The following SH3GLB2 variants were observed in gnomAD, a reference collection of about 807,000 sequenced individuals.
SH3GLB2 encodes the protein SH3 domain containing GRB2 like, endophilin B2.
A neutral mutation model predicts 48.0 loss-of-function variants in SH3GLB2; 24 were observed. That is an observed-to-expected ratio of 0.50 (90% CI 0.36 to 0.70). SH3GLB2 has a LOEUF of 0.70. Ranked by LOEUF, SH3GLB2 falls within the 30% of genes least tolerant of loss-of-function variation. The pLI is 0.00. For synonymous variants in SH3GLB2, 227 were observed against 207.6 expected (o/e 1.09, Z -0.80); for missense variants, 425 against 516.0 (o/e 0.82, Z 1.71).
At chr9:129,022,454 AG>A in intron 1 of SH3GLB2, 31 bp from the exon 2 acceptor site, 2 of 803,814 alleles carry the variant, frequency 2.5e-6, no homozygotes, top group Non-Finnish European at 1.8e-6. Context: ...AGGGGTGGGG[AG>A]GGGGAGAGCT....
chr9:129,028,059 GC>G, intron 1 of SH3GLB2, 32 bp downstream of exon 1: 12 of 1,493,580 alleles, frequency 8.0e-6, no homozygotes, highest in East Asian at 5.7e-5. Flanking sequence ...GCACATCCGG[GC>G]CCCCGGCGCA....
At chr9:129,016,140 C>T (rs1201748146) in intron 3 of SH3GLB2, among the ~76,000 whole-genome samples, 1 of 151,486 alleles carries the variant, frequency 6.6e-6, no homozygotes, top group Non-Finnish European at 1.5e-5. Flanking sequence ...GTCAGGAGTT[C>T]GAGACCAACC....
rs547612052 is a variant in SH3GLB2, at chr9:129,009,460, C to T, written c.840-114G>A. 1.0e-5 allele frequency: 16 copies of T among 1,549,690 alleles called. No individual in the cohort carries two copies. The East Asian group carries it at 3.7e-4, about 35-fold the overall frequency. ...CCAGCCCCGGCTACTCACATGGCAC[C>T]CTGGGAGCTGGCAGCACAAAGGGAA... On this transcript the variant is annotated intron_variant, in intron 9 of 10. Transcript: ENST00000372564.
rs1843322249 is a variant in SH3GLB2, at chr9:129,014,702, T to C, written c.468+69A>G. On this transcript the variant is annotated intron_variant, in intron 4 of 10. Coordinates refer to ENST00000372564, the MANE Select transcript of SH3GLB2 (RefSeq NM_020145.4). The surrounding 1 kb of genome is among the most constrained non-coding windows in gnomAD (Gnocchi z 4.1). Reference sequence around the variant, plus strand: ...GTAGCCCCAGCACTGGAAGAGAGCCTGTACTCAAAGGCTCTGAGGAGGGAA... The same window carrying C: ...GTAGCCCCAGCACTGGAAGAGAGCCCGTACTCAAAGGCTCTGAGGAGGGAA... 3 of 1,571,802 alleles carry C rather than the reference T, an allele frequency of 1.9e-6. No individual in the cohort carries two copies. Among genetic ancestry groups the C allele is most frequent in the Non-Finnish European group, 2.6e-6 (3 of 1,158,944 alleles).
intron 9 of SH3GLB2, 125 bp from the exon 10 acceptor site, chr9:129,009,471 G>C (rs560817735): frequency 6.5e-7 from 1 of 1,549,314 alleles, no homozygotes; most frequent in Non-Finnish European, 8.7e-7. Context: ...CTGGGAGCTG[G>C]CAGCACAAAG....
chr9:129,021,894 G>T (rs1843825004), intron 2 of SH3GLB2, among the ~76,000 whole-genome samples: 1 of 151,214 alleles, frequency 6.6e-6, no homozygotes, highest in Admixed American at 6.6e-5. Context: ...AGGAGGCAAG[G>T]GTTGCAGTGA....
At chr9:129,025,660 C>T (rs918808877) in intron 1 of SH3GLB2, among the ~76,000 whole-genome samples, 1 of 101,904 alleles carries the variant, frequency 9.8e-6, no homozygotes, top group African/African-American at 3.9e-5. Context: ...GCAGGCCTCC[C>T]TCACATCCCT....
intron 9 of SH3GLB2, 93 bp from the exon 10 acceptor site, chr9:129,009,439 C>G: frequency 6.5e-7 from 1 of 1,550,040 alleles, no homozygotes; most frequent in Non-Finnish European, 8.7e-7. Context: ...CCCACTCCAG[C>G]CCCGGCTACT....
Position 129,014,118 on chromosome 9 carries a change from C to G in SH3GLB2, c.561+293G>C. On this transcript the variant is annotated intron_variant, in intron 5 of 10. Transcript: ENST00000372564. This position sits in a 1 kb window ranked among gnomAD's most constrained non-coding sequence, Gnocchi z 4.1. ...GGACAGAGCCGAGCATCTAGGAGGG[C>G]AGGGCAGGGCATGCAGGAGACTCCA... 2 of 619,096 alleles carry G rather than the reference C, an allele frequency of 3.2e-6. No homozygotes were observed. The allele number at this position is 619,096 out of a possible 1,614,324, so 38.4% of individuals were successfully genotyped here. A position where few individuals can be genotyped will look rare whatever the true frequency, so the allele number is the denominator to read the frequency against.
intron 3 of SH3GLB2, among the ~76,000 whole-genome samples, chr9:129,017,626 T>G (rs1843509535): frequency 1.3e-5 from 2 of 151,254 alleles, no homozygotes; most frequent in South Asian, 2.1e-4. Flanking sequence ...ATACGCCGGG[T>G]GTGATGGCTC....
At chr9:129,023,298 C>T (rs1424962727) in intron 1 of SH3GLB2, among the ~76,000 whole-genome samples, 1 of 152,090 alleles carries the variant, frequency 6.6e-6, no homozygotes, top group Non-Finnish European at 1.5e-5. Flanking sequence ...GCATGGGTCC[C>T]CATCAAAGCT....
Position 129,014,495 on chromosome 9 carries a change from C to T in SH3GLB2, c.477G>A (p.Arg159=). The change falls in exon 5 of 11, where the codon AGG becomes AGA. Residue 159 remains arginine, a synonymous_variant. Coordinates refer to ENST00000372564, the MANE Select transcript of SH3GLB2 (RefSeq NM_020145.4). The surrounding 1 kb of genome is among the most constrained non-coding windows in gnomAD (Gnocchi z 4.1). Reference sequence around the variant, plus strand: ...CCAGACGCCGGTTTTGGAGGAGCCGCCTCTCCTTCTACAGGGCAGGGCATG... The same window carrying T: ...CCAGACGCCGGTTTTGGAGGAGCCGTCTCTCCTTCTACAGGGCAGGGCATG... The part of the protein sequence containing the change: ...EGDWKTISKE[R]RLLQNRRLDL... 2 of 1,551,668 alleles carry T rather than the reference C, an allele frequency of 1.3e-6. No homozygotes were observed. The highest frequency in any genetic ancestry group is 1.2e-5 in the South Asian group (1 of 84,090).
In SH3GLB2 at chr9:129,007,823, TC is replaced by T. The variant is rs1307811128; in HGVS notation, c.*860del. 1 of 152,208 alleles carries T rather than the reference TC, an allele frequency of 6.6e-6. No individual in the cohort carries two copies. Among genetic ancestry groups the T allele is most frequent in the Non-Finnish European group, 1.5e-5 (1 of 68,044 alleles). 9.4% of individuals were successfully genotyped at this position (152,208 alleles called of 1,614,324 possible). Reference sequence around the variant, plus strand: ...AAACTTTTTCTTAGGAATAAAACGTTCCTTGTGCGGCTTCATGTCCAGGAAC... The same window carrying T: ...AAACTTTTTCTTAGGAATAAAACGTTCTTGTGCGGCTTCATGTCCAGGAAC... On this transcript the variant is annotated 3_prime_UTR_variant, in exon 11 of 11. Coordinates refer to ENST00000372564, the MANE Select transcript of SH3GLB2 (RefSeq NM_020145.4).
At position 129,008,718 on chromosome 9, in the gene SH3GLB2, T is replaced by C. The variant is rs1842907709; in HGVS notation, c.1154A>G (p.Lys385Arg). ...CAGTTCCAAGTAGGTGACAGGGACC[T>C]TGCCCTTCTTGTTGCCTCTCTCGCC... ...LIGERGNKKG[K>R]VPVTYLELLS Residue 385 changes from lysine to arginine, a missense_variant, in exon 11 of 11, where the codon AAG becomes AGG. Physicochemically the swap from Lys to Arg is conservative, Grantham distance 26. Coordinates refer to ENST00000372564, the MANE Select transcript of SH3GLB2 (RefSeq NM_020145.4). 1 of 1,614,150 alleles carries C rather than the reference T, an allele frequency of 6.2e-7. No homozygotes were observed. The highest frequency in any genetic ancestry group is 1.7e-5 in the Admixed American group (1 of 60,010).
At chr9:129,015,874 A>T (rs1843390618) in intron 3 of SH3GLB2, 1 of 319,390 alleles carries the variant, frequency 3.1e-6, no homozygotes, top group African/African-American at 2.2e-5. Context: ...TCTTTAAAAA[A>T]AAGAAAAGAA....
In SH3GLB2 at chr9:129,009,040, G is replaced by T. The variant is rs1842925513; in HGVS notation, c.1080+66C>A. On this transcript the variant is annotated intron_variant, in intron 10 of 10. Transcript: ENST00000372564. Reference sequence around the variant, plus strand: ...GGGCCCCTCCAGGCCCCATGTGCCTGATCCCAGTGCCCAGGCTGCTCCTCA... The same window carrying T: ...GGGCCCCTCCAGGCCCCATGTGCCTTATCCCAGTGCCCAGGCTGCTCCTCA... 3.1e-6 allele frequency: 5 copies of T among 1,593,764 alleles called. No individual in the cohort carries two copies. The East Asian group carries it at 1.1e-4, about 36-fold the overall frequency.
intron 1 of SH3GLB2, among the ~76,000 whole-genome samples, chr9:129,022,756 A>G (rs2131294536): frequency 6.6e-6 from 1 of 152,316 alleles, no homozygotes; most frequent in East Asian, 1.9e-4. Context: ...GGCCAGCCCT[A>G]GGGTCCTTTG....
intron 6 of SH3GLB2, chr9:129,010,906 G>A (rs1272297972): frequency 1.5e-5 from 9 of 602,708 alleles, no homozygotes; most frequent in East Asian, 2.8e-5. Flanking sequence ...CATGCAGGAG[G>A]GGAGCAGCCA....
intron 3 of SH3GLB2, among the ~76,000 whole-genome samples, chr9:129,016,189 A>G (rs528400465): frequency 1.3e-5 from 2 of 151,780 alleles, no homozygotes; most frequent in Admixed American, 6.6e-5. Flanking sequence ...CTAAAAATAC[A>G]AAAATTAGCT....
Sources: allele counts gnomAD v4.1 joint callset (sites outside exome capture counted in the v4.1 genomes callset), GRCh38; gene constraint gnomAD v4.1.1; non-coding constraint Gnocchi (gnomAD v3.1); transcripts MANE v1.5; gene names NCBI Gene and HGNC (gene_info 2026-07-23, HGNC 2026-07-21).